The following DRC9 variants were observed in gnomAD, a reference collection of about 807,000 sequenced individuals.
DRC9 encodes the protein dynein regulatory complex protein 9.
the DRC9 span, among the ~76,000 whole-genome samples, chr3:197,948,804 CA>C: frequency 1.3e-5 from 2 of 152,336 alleles, no homozygotes; most frequent in South Asian, 4.1e-4. Flanking sequence ...CATCCACCAG[CA>C]AATCTTGCCA....
the DRC9 span, among the ~76,000 whole-genome samples, chr3:197,955,273 C>CT: frequency 0.026 from 3,762 of 143,832 alleles, 63 homozygotes; most frequent in Non-Finnish European, 0.037. Context: ...TTTTCTTTTT[C>CT]TTTTTTTTTT....
chr3:197,935,439 C>CAAAAA, the DRC9 span, among the ~76,000 whole-genome samples: 1 of 95,276 alleles, frequency 1.0e-5, no homozygotes, highest in Non-Finnish European at 2.1e-5. Flanking sequence ...ACTCTGTCTC[C>CAAAAA]AAAAAAAAAA....
At chr3:197,951,651 C>A in the DRC9 span, 1 of 294,326 alleles carries the variant, frequency 3.4e-6, no homozygotes, top group Non-Finnish European at 6.6e-6. Flanking sequence ...CCGCGCCTGG[C>A]CTCATTATCC....
chr3:197,943,953 C>T, the DRC9 span: 1,644 of 1,613,966 alleles, frequency 1.0e-3, 3 homozygotes, highest in Non-Finnish European at 1.1e-3. Context: ...TTTAGGTATT[C>T]CTTCTTCTTC....
At chr3:197,950,690 T>C in the DRC9 span, 1 of 537,130 alleles carries the variant, frequency 1.9e-6, no homozygotes, top group African/African-American at 1.9e-5. Flanking sequence ...CTGAGAGTCA[T>C]TTTTGTGACT....
the DRC9 span, among the ~76,000 whole-genome samples, chr3:197,903,472 C>T: frequency 5.9e-5 from 9 of 151,846 alleles, no homozygotes; most frequent in Non-Finnish European, 1.5e-5. Flanking sequence ...CCCACCTCTA[C>T]TAAAAATACA....
At chr3:197,941,112 T>C in the DRC9 span, among the ~76,000 whole-genome samples, 1 of 152,160 alleles carries the variant, frequency 6.6e-6, no homozygotes, top group African/African-American at 2.4e-5. Context: ...CTGAATGCCT[T>C]CCCATTTGTT....
chr3:197,892,855 C>T, the DRC9 span: 2 of 1,476,952 alleles, frequency 1.4e-6, no homozygotes, highest in East Asian at 4.6e-5. Context: ...TTAAGCAGAA[C>T]ATTCCATAGT....
At chr3:197,891,595 G>T in the DRC9 span, 4 of 1,045,380 alleles carry the variant, frequency 3.8e-6, no homozygotes, top group Non-Finnish European at 4.4e-6. Flanking sequence ...TCTTGGCTAA[G>T]CTGTAGCCCA....
At chr3:197,923,245 C>T in the DRC9 span, among the ~76,000 whole-genome samples, 8 of 152,154 alleles carry the variant, frequency 5.3e-5, no homozygotes, top group East Asian at 1.9e-4. Flanking sequence ...TAGCCTCCCA[C>T]GCAGTTAGGA....
chr3:197,938,317 CA>C, the DRC9 span, among the ~76,000 whole-genome samples: 346 of 114,254 alleles, frequency 3.0e-3, no homozygotes, highest in Middle Eastern at 0.011. Flanking sequence ...AACTCCATCT[CA>C]AAAAAAAAAA....
the DRC9 span, chr3:197,945,476 T>A: frequency 1.7e-6 from 1 of 596,980 alleles, no homozygotes; most frequent in Non-Finnish European, 2.9e-6. Context: ...ACAGAAACTG[T>A]GGGAAAGAAT....
the DRC9 span, among the ~76,000 whole-genome samples, chr3:197,918,391 A>G: frequency 6.7e-6 from 1 of 150,022 alleles, no homozygotes; most frequent in Non-Finnish European, 1.5e-5. Flanking sequence ...GGCATGAGCC[A>G]CTGTGCCTGG....
the DRC9 span, among the ~76,000 whole-genome samples, chr3:197,930,689 C>T: frequency 1.4e-5 from 2 of 146,822 alleles, no homozygotes; most frequent in Admixed American, 7.0e-5. Context: ...AGCTGTGGAT[C>T]GTGCCACTGC....
At chr3:197,904,720 C>T in the DRC9 span, among the ~76,000 whole-genome samples, 42 of 152,146 alleles carry the variant, frequency 2.8e-4, no homozygotes, top group African/African-American at 9.4e-4. Context: ...ATTAGCTGGG[C>T]GTGGTGGCGC....
the DRC9 span, chr3:197,938,555 T>C: frequency 6.2e-7 from 1 of 1,608,666 alleles, no homozygotes; most frequent in Non-Finnish European, 8.5e-7. Flanking sequence ...TACCTATCAA[T>C]CTGAATTTTC....
the DRC9 span, among the ~76,000 whole-genome samples, chr3:197,924,231 T>C: frequency 3.3e-5 from 5 of 151,454 alleles, no homozygotes; most frequent in Admixed American, 3.3e-4. Context: ...TGGTGGTGCA[T>C]GCCTGTAGTC....
the DRC9 span, chr3:197,932,196 G>A: frequency 6.2e-7 from 1 of 1,612,782 alleles, no homozygotes; most frequent in Non-Finnish European, 8.5e-7. Flanking sequence ...TCATAGAAAT[G>A]CATTTTGTTT....
At chr3:197,917,274 G>A in the DRC9 span, among the ~76,000 whole-genome samples, 1 of 152,210 alleles carries the variant, frequency 6.6e-6, no homozygotes, top group African/African-American at 2.4e-5. Flanking sequence ...CTATGCTCAT[G>A]CCATTGCACT....
Sources: allele counts gnomAD v4.1 joint callset (sites outside exome capture counted in the v4.1 genomes callset), GRCh38; gene constraint gnomAD v4.1.1; transcripts MANE v1.5; gene names NCBI Gene and HGNC (gene_info 2026-07-23, HGNC 2026-07-21).